AVL9: variants seen among roughly 807,000 people sequenced by gnomAD.
The protein encoded by AVL9 is AVL9 cell migration associated, also known as late secretory pathway protein AVL9 homolog.
In AVL9, 49 loss-of-function variants were observed where a neutral mutation model predicts 79.2. The ratio of observed to expected loss-of-function variants is 0.62; its 90% CI spans 0.49 to 0.79. AVL9 has a LOEUF of 0.79. AVL9 is among the 30% of genes least tolerant of loss of function. The pLI is 0.00. For synonymous variants in AVL9, 299 were observed against 280.6 expected (o/e 1.07, Z -0.65); for missense variants, 682 against 776.8 (o/e 0.88, Z 1.45).
rs953841998 is a variant in AVL9 at position 32,503,723 on chromosome 7, C to T, written c.93+7921C>T. On this transcript the variant is annotated intron_variant, in intron 1 of 15. Coordinates refer to ENST00000318709, the MANE Select transcript of AVL9 (RefSeq NM_015060.3). ...TTCGAGACGGAGTCTCACTCTGCCA[C>T]CCAGGCTGGAGTGCAGTAAAATGAT... Among the ~76,000 whole-genome samples, 5 of 151,946 alleles carry T rather than the reference C, an allele frequency of 3.3e-5. No individual in the cohort carries two copies. In the East Asian group the frequency reaches 5.8e-4, roughly 18 times the overall value.
At chr7:32,497,412 T>C (rs1340007850) in intron 1 of AVL9, among the ~76,000 whole-genome samples, 3 of 152,244 alleles carry the variant, frequency 2.0e-5, no homozygotes, top group Admixed American at 6.5e-5. Context: ...GAATCTGTTC[T>C]TTATAACCTG....
rs1439700917 is a variant in AVL9, at chr7:32,575,985, C to A, written c.1601C>A (p.Thr534Lys). The A allele has an allele frequency of 1.2e-6, 2 of 1,613,550 alleles. No individual in the cohort carries two copies. Among genetic ancestry groups the A allele is most frequent in the Non-Finnish European group, 1.7e-6 (2 of 1,179,618 alleles). The change falls in exon 13 of 16, where the codon ACA becomes AAA. Residue 534 changes from threonine to lysine, a missense_variant. Coordinates refer to ENST00000318709, the MANE Select transcript of AVL9 (RefSeq NM_015060.3). ...GAAAAGATATTATCGGACTATGGGACAACTTTTGTTACAGCATGGAAGAAT... is the reference window on the plus strand; with the variant it reads ...GAAAAGATATTATCGGACTATGGGAAAACTTTTGTTACAGCATGGAAGAAT... ...DNEKILSDYG[T>K]TFVTAWKNTH...
intron 2 of AVL9, among the ~76,000 whole-genome samples, chr7:32,543,586 G>A (rs1449062766): frequency 6.6e-6 from 1 of 152,202 alleles, no homozygotes; most frequent in Non-Finnish European, 1.5e-5. Flanking sequence ...AGCACCAGCT[G>A]TACATTGCTT....
intron 1 of AVL9, among the ~76,000 whole-genome samples, chr7:32,501,627 G>A (rs762384695): frequency 3.3e-4 from 51 of 152,350 alleles, no homozygotes; most frequent in Non-Finnish European, 6.0e-4. Flanking sequence ...GCTAAGCGGA[G>A]TGGGTGTCAA....
intron 10 of AVL9, among the ~76,000 whole-genome samples, chr7:32,567,021 G>C (rs1790611631): frequency 6.6e-6 from 1 of 152,080 alleles, no homozygotes; most frequent in South Asian, 2.1e-4. Flanking sequence ...ATTATATCTG[G>C]TACTTTTTTA....
At chr7:32,572,437 T>C (rs1790896722) in intron 11 of AVL9, among the ~76,000 whole-genome samples, 1 of 134,364 alleles carries the variant, frequency 7.4e-6, no homozygotes, top group Non-Finnish European at 1.8e-5. Flanking sequence ...ATTTCTTTTA[T>C]TATTATACTT....
chr7:32,579,932 A>G (rs1268386581), intron 13 of AVL9, among the ~76,000 whole-genome samples: 1 of 151,972 alleles, frequency 6.6e-6, no homozygotes, highest in African/African-American at 2.4e-5. Context: ...GACCAAATAA[A>G]TTAGAATGTC....
rs938987958 is a variant in AVL9 at position 32,514,485 on chromosome 7, G to A, written c.93+18683G>A. Among the ~76,000 whole-genome samples, 9 of 152,196 alleles carry A rather than the reference G, an allele frequency of 5.9e-5. No individual in the cohort carries two copies. In the South Asian group the frequency reaches 1.4e-3, roughly 24 times the overall value. On this transcript the variant is annotated intron_variant, in intron 1 of 15. Transcript: ENST00000318709. ...CCATCGCATCCCCTGTGACTTGCACGTATATGCCCAGATGGCCTAAAGTAA... is the reference window on the plus strand; with the variant it reads ...CCATCGCATCCCCTGTGACTTGCACATATATGCCCAGATGGCCTAAAGTAA...
At chr7:32,546,597 C>T (rs547524918) in intron 3 of AVL9, among the ~76,000 whole-genome samples, 12 of 152,012 alleles carry the variant, frequency 7.9e-5, no homozygotes, top group Non-Finnish European at 1.5e-4. Context: ...CCAAGGCGGG[C>T]GGATCACGAA....
At chr7:32,553,675 A>G in intron 6 of AVL9, 52 bp from the exon 7 acceptor site, 8 of 1,402,036 alleles carry the variant, frequency 5.7e-6, no homozygotes, top group Non-Finnish European at 8.0e-6. Flanking sequence ...ACCTTTCTGC[A>G]GCAAAAACAT....
chr7:32,576,206 C>T, intron 13 of AVL9, 134 bp downstream of exon 13: 1 of 635,368 alleles, frequency 1.6e-6, no homozygotes, highest in South Asian at 2.1e-5. Context: ...TAAAAAGGCT[C>T]CCAAATATAG....
At chr7:32,580,541 T>G (rs2128156899) in intron 14 of AVL9, among the ~76,000 whole-genome samples, 1 of 152,236 alleles carries the variant, frequency 6.6e-6, no homozygotes, top group East Asian at 1.9e-4. Flanking sequence ...GTCGGAGAGA[T>G]GCAGCCATAC....
intron 13 of AVL9, among the ~76,000 whole-genome samples, chr7:32,577,886 C>CT (rs1206742113): frequency 6.6e-6 from 1 of 152,120 alleles, no homozygotes; most frequent in Non-Finnish European, 1.5e-5. Flanking sequence ...GAGAACTTCC[C>CT]TTTCATCCTC....
intron 1 of AVL9, among the ~76,000 whole-genome samples, chr7:32,539,546 A>C (rs533640844): frequency 2.0e-5 from 3 of 152,212 alleles, no homozygotes; most frequent in Non-Finnish European, 4.4e-5. Flanking sequence ...ATTTGGCTTT[A>C]TCCAGCCTTT....
At chr7:32,516,502 G>A (rs1262424478) in intron 1 of AVL9, among the ~76,000 whole-genome samples, 1 of 152,148 alleles carries the variant, frequency 6.6e-6, no homozygotes, top group Non-Finnish European at 1.5e-5. Context: ...CAGCTGAAAG[G>A]CTCCCCTGGA....
intron 1 of AVL9, among the ~76,000 whole-genome samples, chr7:32,515,520 C>T (rs1449926679): frequency 6.6e-6 from 1 of 152,222 alleles, no homozygotes; most frequent in African/African-American, 2.4e-5. Flanking sequence ...AGTTTTCCTG[C>T]TTCCATGACA....
chr7:32,506,745 T>TA (rs1787431419), intron 1 of AVL9, among the ~76,000 whole-genome samples: 4 of 144,482 alleles, frequency 2.8e-5, no homozygotes, highest in African/African-American at 7.9e-5. Flanking sequence ...CTGTCTCTAT[T>TA]TAAAAAAAAA....
chr7:32,548,156 T>TTTTCTTTTTGTTTTTTTTG (rs1554340944), intron 3 of AVL9, among the ~76,000 whole-genome samples: 4,501 of 32,468 alleles, frequency 0.14, 380 homozygotes, highest in African/African-American at 0.25. Flanking sequence ...TTTTTCTTTT[T>TTTTCTTTTTGTTTTTTTTG]TTTTTTTTTG....
intron 11 of AVL9, 101 bp downstream of exon 11, chr7:32,570,255 TAAC>T: frequency 7.0e-7 from 1 of 1,433,680 alleles, no homozygotes; most frequent in Non-Finnish European, 9.7e-7. Flanking sequence ...GTAATGATAA[TAAC>T]TGCATACTGT....
Sources: allele counts gnomAD v4.1 joint callset (sites outside exome capture counted in the v4.1 genomes callset), GRCh38; gene constraint gnomAD v4.1.1; transcripts MANE v1.5; gene names NCBI Gene and HGNC (gene_info 2026-07-23, HGNC 2026-07-21).